The following NMRAL1 variants were observed in gnomAD, a reference collection of about 807,000 sequenced individuals.
The protein encoded by NMRAL1 is NmrA like redox sensor 1.
NMRAL1 carries 32 observed loss-of-function variants against 27.5 expected under a neutral mutation model. The ratio of observed to expected loss-of-function variants is 1.16; its 90% CI spans 0.88 to 1.56. The LOEUF (loss-of-function observed/expected upper bound fraction) is 1.56. Among genes scored for constraint, NMRAL1 ranks in the 40% most tolerant of loss-of-function variants. NMRAL1 has a pLI of 0.00. For missense variants in NMRAL1, 420 were observed against 392.0 expected (o/e 1.07, Z -0.60); for synonymous variants, 166 against 166.8 (o/e 1.00, Z 0.04).
At chr16:4,462,548 C>G (rs1309864475) in intron 5 of NMRAL1, among the ~76,000 whole-genome samples, 1 of 152,088 alleles carries the variant, frequency 6.6e-6, no homozygotes, top group Non-Finnish European at 1.5e-5. Flanking sequence ...CCTTCCAAAT[C>G]AGAGACCTGC....
At chr16:4,469,864 A>G (rs1164633442) in intron 2 of NMRAL1, among the ~76,000 whole-genome samples, 1 of 130,194 alleles carries the variant, frequency 7.7e-6, no homozygotes, top group African/African-American at 3.1e-5. Context: ...GAGAATCTGT[A>G]TTAAAAAAAA....
At chr16:4,465,338 G>A (rs1256028628) in intron 4 of NMRAL1, among the ~76,000 whole-genome samples, 1 of 152,200 alleles carries the variant, frequency 6.6e-6, no homozygotes, top group Non-Finnish European at 1.5e-5. Context: ...TTCAACCAGA[G>A]GGTAAGGAGT....
At chr16:4,470,337 G>C (rs2057513259) in intron 2 of NMRAL1, among the ~76,000 whole-genome samples, 1 of 151,418 alleles carries the variant, frequency 6.6e-6, no homozygotes, top group Non-Finnish European at 1.5e-5. Context: ...AGGCGTGGTG[G>C]CACATGCCTG....
In NMRAL1 at chr16:4,463,788, G is replaced by T. The variant is rs769652938; in HGVS notation, c.592C>A (p.Leu198Ile). The stretch of plus-strand genomic sequence containing the variant: ...TTTTCTGGCATCTTCAAAAGGCTGA[G>T]CACCACAGGACCCAGGTCAGACACG... Reference protein sequence around the residue: ...MSVSDLGPVVLSLLKMPEKYV... With the variant: ...MSVSDLGPVVISLLKMPEKYV... Residue 198 changes from leucine (L) to isoleucine (I), a missense_variant, in exon 5 of 6, where the codon CTC becomes ATC. Coordinates refer to ENST00000283429, the MANE Select transcript of NMRAL1 (RefSeq NM_020677.6). 1 of 1,614,120 alleles carries T rather than the reference G, an allele frequency of 6.2e-7. No individual in the cohort carries two copies. The highest frequency in any genetic ancestry group is 1.7e-5 in the Admixed American group (1 of 60,020).
chr16:4,461,942 G>T lies in NMRAL1; in HGVS notation c.738C>A (p.Tyr246Ter). The T allele has an allele frequency of 6.2e-7, 1 of 1,613,352 alleles. No individual in the cohort carries two copies. Among genetic ancestry groups the T allele is most frequent in the Non-Finnish European group, 8.5e-7 (1 of 1,179,554 alleles). ...GGGCACCGGGAAAGCCAAGCTTTTC[G>T]TAGTCCTCAGGAGTCATCTGGAAGC... The part of the protein sequence containing the change: ...VHDAKMTPED[Y>*]EKLGFPGARD... The change falls in exon 6 of 6, where the codon TAC becomes TAA. Residue 246 changes from tyrosine to a stop codon, truncating the protein, a stop_gained. Coordinates refer to ENST00000283429, the MANE Select transcript of NMRAL1 (RefSeq NM_020677.6). LOFTEE classifies it high-confidence loss of function.
intron 5 of NMRAL1, among the ~76,000 whole-genome samples, chr16:4,462,728 G>A (rs989866167): frequency 6.6e-6 from 1 of 151,970 alleles, no homozygotes; most frequent in African/African-American, 2.4e-5. Flanking sequence ...GTTTCACCGT[G>A]TTAGTCAGGA....
intron 2 of NMRAL1, among the ~76,000 whole-genome samples, chr16:4,470,187 G>T (rs1487427383): frequency 7.5e-6 from 1 of 133,996 alleles, no homozygotes; most frequent in South Asian, 2.4e-4. Flanking sequence ...AAAAAAAAAA[G>T]GGCCTGGTGC....
rs1567350328 is a variant in NMRAL1 at position 4,466,113 on chromosome 16, TGA to T, written c.529+38_529+39del. Reference sequence around the variant, plus strand: ...CTGTTACACCAACGGCTTTACAGGGTGAGAGCTCTGCCTCACCGTGTGCGAGA... The same window carrying T: ...CTGTTACACCAACGGCTTTACAGGGTGAGCTCTGCCTCACCGTGTGCGAGA... On this transcript the variant is annotated intron_variant, in intron 4 of 5. Transcript: ENST00000283429. The T allele has an allele frequency of 1.9e-6, 3 of 1,607,266 alleles. No homozygotes were observed. The South Asian group carries it at 3.3e-5, about 18-fold the overall frequency.
chr16:4,463,171 G>A (rs2141415033), intron 5 of NMRAL1, among the ~76,000 whole-genome samples: 1 of 152,258 alleles, frequency 6.6e-6, no homozygotes, highest in South Asian at 2.1e-4. Flanking sequence ...ATTCTTTAAT[G>A]AGTATGTCTT....
intron 5 of NMRAL1, among the ~76,000 whole-genome samples, chr16:4,463,117 A>C (rs1014441638): frequency 6.6e-6 from 1 of 152,122 alleles, no homozygotes; most frequent in African/African-American, 2.4e-5. Flanking sequence ...GGCCTCCCAA[A>C]GTGCTGGGAT....
chr16:4,474,193 G>C, intron 1 of NMRAL1, 27 bp from the exon 2 acceptor site: 1 of 1,565,544 alleles, frequency 6.4e-7, no homozygotes, highest in Admixed American at 1.8e-5. Context: ...GCGTGGAGTT[G>C]GGGGTGGGGC....
At chr16:4,474,633 C>T (rs1263228406), upstream of NMRAL1, 1 of 154,546 alleles carries the variant, frequency 6.5e-6, no homozygotes, top group Non-Finnish European at 1.4e-5. Context: ...TCGGCCGAAA[C>T]CCCTCCTCCG....
intron 3 of NMRAL1, among the ~76,000 whole-genome samples, chr16:4,468,461 C>G (rs1368490917): frequency 6.6e-6 from 1 of 151,636 alleles, no homozygotes; most frequent in Non-Finnish European, 1.5e-5. Context: ...ACTAAAAATA[C>G]AAAAATTAGT....
intron 3 of NMRAL1, among the ~76,000 whole-genome samples, chr16:4,468,342 C>T (rs1326632489): frequency 1.3e-5 from 2 of 150,698 alleles, no homozygotes; most frequent in Non-Finnish European, 3.0e-5. Flanking sequence ...CAGGGCCGGG[C>T]ATGTGGCTTA....
At chr16:4,462,383 C>G (rs190865828) in intron 5 of NMRAL1, among the ~76,000 whole-genome samples, 1 of 152,280 alleles carries the variant, frequency 6.6e-6, no homozygotes, top group Non-Finnish European at 1.5e-5. Context: ...GAGGCTGAGA[C>G]AGGAGAATCG....
rs2057130021 is a variant in NMRAL1 at position 4,461,964 on chromosome 16, A to G, written c.721-5T>C. The G allele has an allele frequency of 6.2e-7, 1 of 1,608,576 alleles. No homozygotes were observed. Among genetic ancestry groups the G allele is most frequent in the Non-Finnish European group, 8.5e-7 (1 of 1,177,150 alleles). Reference sequence around the variant, plus strand: ...TTCGTAGTCCTCAGGAGTCATCTGGAAGCAGAGGAGCCTGTCGTGGCCGGC... The same window carrying G: ...TTCGTAGTCCTCAGGAGTCATCTGGGAGCAGAGGAGCCTGTCGTGGCCGGC... On this transcript the variant is annotated splice_polypyrimidine_tract_variant and splice_region_variant and intron_variant, in intron 5 of 5. Transcript: ENST00000283429.
intron 3 of NMRAL1, 32 bp downstream of exon 3, chr16:4,469,195 C>G: frequency 6.6e-7 from 1 of 1,508,752 alleles, no homozygotes; most frequent in South Asian, 1.1e-5. Context: ...CTAGCCTGGC[C>G]GGGCCTCCCT....
intron 3 of NMRAL1, among the ~76,000 whole-genome samples, 198 bp downstream of exon 3, chr16:4,469,029 C>T (rs569805350): frequency 2.7e-5 from 4 of 150,458 alleles, no homozygotes; most frequent in East Asian, 1.9e-4. Flanking sequence ...GAGACTGAGA[C>T]GGCCTCAAAC....
At chr16:4,465,842 C>T (rs2057301531) in intron 4 of NMRAL1, among the ~76,000 whole-genome samples, 1 of 152,208 alleles carries the variant, frequency 6.6e-6, no homozygotes, top group Non-Finnish European at 1.5e-5. Context: ...AGCGCCCGGC[C>T]CTCCTCATCT....
Sources: gnomAD v4.1 joint callset for allele counts (sites outside exome capture counted in the v4.1 genomes callset) on GRCh38, gnomAD v4.1.1 for gene constraint, MANE v1.5 for transcripts, NCBI Gene and HGNC (gene_info 2026-07-23, HGNC 2026-07-21) for gene names.